The following ADGRB2 variants were observed in gnomAD, a reference collection of about 807,000 sequenced individuals.
ADGRB2 encodes the protein brain-specific angiogenesis inhibitor 2.
A neutral mutation model predicts 178.7 loss-of-function variants in ADGRB2; 47 were observed. That is an observed-to-expected ratio of 0.26 (90% CI 0.21 to 0.34). The LOEUF is 0.34. ADGRB2 is among the 10% of genes least tolerant of loss of function. ADGRB2 has a pLI of 1.00. For missense variants in ADGRB2, 1,584 were observed against 2,180.8 expected (o/e 0.73, Z 5.45); for synonymous variants, 870 against 912.4 (o/e 0.95, Z 0.84).
In ADGRB2 at chr1:31,741,274, C is replaced by T. The variant is rs1397568413; in HGVS notation, c.1794+99G>A. 6 of 1,288,886 alleles carry T rather than the reference C, an allele frequency of 4.7e-6. No homozygotes were observed. Among genetic ancestry groups the T allele is most frequent in the Non-Finnish European group, 6.5e-6 (6 of 924,442 alleles). The allele number at this position is 1,288,886 out of a possible 1,614,324, so 79.8% of individuals were successfully genotyped here. A position where few individuals can be genotyped will look rare whatever the true frequency, so the allele number is the denominator to read the frequency against. On this transcript the variant is annotated intron_variant, in intron 11 of 32. Coordinates refer to ENST00000373658, the MANE Select transcript of ADGRB2 (RefSeq NM_001364857.2). The surrounding 1 kb of genome is among the most constrained non-coding windows in gnomAD (Gnocchi z 6.5). Reference sequence around the variant, plus strand: ...CAGGCAGAAGTGGGCACAGCATATGCCAAGGCACGTGGGAACGAGCGAGAA... The same window carrying T: ...CAGGCAGAAGTGGGCACAGCATATGTCAAGGCACGTGGGAACGAGCGAGAA...
At chr1:31,742,751 G>A (rs1557765709) in intron 7 of ADGRB2, 87 bp downstream of exon 7, 1 of 1,354,568 alleles carries the variant, frequency 7.4e-7, no homozygotes, top group Non-Finnish European at 9.6e-7. Flanking sequence ...CCAGGGGCAG[G>A]TCACTGGACC....
chr1:31,752,143 C>A lies in ADGRB2; in HGVS notation c.838+3856G>T, dbSNP rs1280520277. ...GTCCTAGTTAGTGCTCTCCCTCCCC[C>A]ACCGGTGGGCAGACAGTGTGCCTAG... On this transcript the variant is annotated intron_variant, in intron 4 of 32. Coordinates refer to ENST00000373658, the MANE Select transcript of ADGRB2 (RefSeq NM_001364857.2). Among the ~76,000 whole-genome samples the A allele has an allele frequency of 3.9e-5, 6 of 152,298 alleles. No individual in the cohort carries two copies. In the South Asian group the frequency reaches 6.2e-4, roughly 16 times the overall value.
At chr1:31,734,430 A>T (rs1645461291) in intron 25 of ADGRB2, among the ~76,000 whole-genome samples, 1 of 152,212 alleles carries the variant, frequency 6.6e-6, no homozygotes, top group African/African-American at 2.4e-5. Flanking sequence ...GGGGTGAGGG[A>T]GGCAGACGGC....
chr1:31,746,013 C>T (rs1646253646), intron 4 of ADGRB2, among the ~76,000 whole-genome samples: 1 of 152,222 alleles, frequency 6.6e-6, no homozygotes. Context: ...TTCTCCATCT[C>T]TGAAACCTGG....
intron 4 of ADGRB2, among the ~76,000 whole-genome samples, chr1:31,750,048 C>T (rs976908923): frequency 1.3e-5 from 2 of 152,214 alleles, no homozygotes; most frequent in African/African-American, 4.8e-5. Flanking sequence ...GCTTTCCTCC[C>T]TCCACACATC....
intron 26 of ADGRB2, 150 bp downstream of exon 26, chr1:31,732,822 C>T (rs34582656): frequency 0.033 from 39,414 of 1,203,632 alleles, 747 homozygotes; most frequent in East Asian, 0.046. Flanking sequence ...GCGGGTACCC[C>T]GGGCTATCAG....
chr1:31,749,446 T>C (rs1460352666), intron 4 of ADGRB2, among the ~76,000 whole-genome samples: 4 of 152,244 alleles, frequency 2.6e-5, no homozygotes, highest in Non-Finnish European at 5.9e-5. Flanking sequence ...CATGTGGGTT[T>C]GATTCCCAGC....
chr1:31,747,570 T>C (rs1646341588), intron 4 of ADGRB2, among the ~76,000 whole-genome samples: 1 of 151,976 alleles, frequency 6.6e-6, no homozygotes. Flanking sequence ...CCAGGCAGAG[T>C]TGGCCACCCC....
In ADGRB2 at chr1:31,733,510, C is replaced by T. The variant is rs529837400; in HGVS notation, c.3453-367G>A. On this transcript the variant is annotated intron_variant, in intron 25 of 32. Transcript: ENST00000373658. The surrounding 1 kb of genome is among the most constrained non-coding windows in gnomAD (Gnocchi z 4.3). The stretch of plus-strand genomic sequence containing the variant: ...AATGCACGGGGCCGGGACGGCATCC[C>T]CAGAGCCTAACTGGGTAGGCTGGGG... Among the ~76,000 whole-genome samples, 1 of 152,244 alleles carries T rather than the reference C, an allele frequency of 6.6e-6. No individual in the cohort carries two copies. The highest frequency in any genetic ancestry group is 1.5e-5 in the Non-Finnish European group (1 of 68,020).
chr1:31,744,882 C>T lies in ADGRB2; in HGVS notation c.839-151G>A, dbSNP rs1233192415. 2 of 746,374 alleles carry T rather than the reference C, an allele frequency of 2.7e-6. No homozygotes were observed. The highest frequency in any genetic ancestry group is 4.7e-6 in the Non-Finnish European group (2 of 429,938). 46.2% of individuals were successfully genotyped at this position (746,374 alleles called of 1,614,324 possible). ...CAGGATCACATTCTGCCCTCTGCCC[C>T]ACCACCACTATTTCACAGACAAGGA... On this transcript the variant is annotated intron_variant, in intron 4 of 32. Transcript: ENST00000373658. The surrounding 1 kb of genome is among the most constrained non-coding windows in gnomAD (Gnocchi z 6.7).
At chr1:31,739,797 C>T (rs1016956422) in intron 14 of ADGRB2, 129 bp downstream of exon 14, 3 of 1,186,714 alleles carry the variant, frequency 2.5e-6, no homozygotes, top group African/African-American at 3.1e-5. Context: ...GAGAAACAGA[C>T]CACACATAGA....
At position 31,742,902 on chromosome 1, in the gene ADGRB2, G is replaced by A. The variant is rs974697948; in HGVS notation, c.1188C>T (p.His396=). The change falls in exon 7 of 33, where the codon CAC becomes CAT. Residue 396 remains histidine, a synonymous_variant. Transcript: ENST00000373658. Reference sequence around the variant, plus strand: ...CAGGACCCTCGCAGGCCTTGCCGCCGTGCTGGGGGGGCACGCAGGTCCGCA... The same window carrying A: ...CAGGACCCTCGCAGGCCTTGCCGCCATGCTGGGGGGGCACGCAGGTCCGCA... The part of the protein sequence containing the change: ...SRMRTCVPPQ[H]GGKACEGPEL... The A allele has an allele frequency of 7.1e-6, 11 of 1,541,796 alleles. No homozygotes were observed. Among genetic ancestry groups the A allele is most frequent in the Admixed American group, 4.0e-5 (2 of 50,576 alleles).
In ADGRB2 at chr1:31,727,510, G is replaced by T; in HGVS notation, c.4668C>A (p.Pro1556=). 6.3e-7 allele frequency: 1 copy of T among 1,597,054 alleles called. No homozygotes were observed. The change falls in exon 33 of 33, where the codon CCC becomes CCA. Residue 1556 remains proline (P), a synonymous_variant. Coordinates refer to ENST00000373658, the MANE Select transcript of ADGRB2 (RefSeq NM_001364857.2). The surrounding 1 kb of genome is among the most constrained non-coding windows in gnomAD (Gnocchi z 4.4). ...GAGTCAGCCGTTCTCGGGGCTTGGG[G>T]GGCAGCGAGCCCAGTGTCATAGATT... ...TFKSMTLGSL[P]PKPRERLTLH...
chr1:31,727,218 G>T lies in ADGRB2; in HGVS notation c.*202C>A. The T allele has an allele frequency of 1.8e-6, 1 of 550,136 alleles. No homozygotes were observed. Among genetic ancestry groups the T allele is most frequent in the Non-Finnish European group, 3.0e-6 (1 of 333,130 alleles). 34.1% of individuals were successfully genotyped at this position (550,136 alleles called of 1,614,324 possible). On this transcript the variant is annotated 3_prime_UTR_variant, in exon 33 of 33. Coordinates refer to ENST00000373658, the MANE Select transcript of ADGRB2 (RefSeq NM_001364857.2). This position sits in a 1 kb window ranked among gnomAD's most constrained non-coding sequence, Gnocchi z 4.4. ...CTGAAGATGGGGTTCCAGTGGCTGA[G>T]GGGCCTCTGAGAAACAAGGAAGGGC...
At chr1:31,751,090 T>C (rs1646545079) in intron 4 of ADGRB2, among the ~76,000 whole-genome samples, 1 of 152,170 alleles carries the variant, frequency 6.6e-6, no homozygotes, top group African/African-American at 2.4e-5. Flanking sequence ...TGTCCTGGGA[T>C]GGCAGTCAAA....
Position 31,727,703 on chromosome 1 carries a change from C to A in ADGRB2, c.4573-98G>T. 7.8e-7 allele frequency: 1 copy of A among 1,277,828 alleles called. No homozygotes were observed. The highest frequency in any genetic ancestry group is 1.7e-5 in the South Asian group (1 of 58,998). The allele number at this position is 1,277,828 out of a possible 1,614,324, so 79.2% of individuals were successfully genotyped here. On this transcript the variant is annotated intron_variant, in intron 32 of 32. Transcript: ENST00000373658. The surrounding 1 kb of genome is among the most constrained non-coding windows in gnomAD (Gnocchi z 4.4). ...GAGTCCCAGAGAGGGCTGGTAATGC[C>A]CAAAGTTATGGAGCAATCAGGTGTC...
chr1:31,732,855 G>C lies in ADGRB2; in HGVS notation c.3624+117C>G. The C allele has an allele frequency of 2.9e-6, 4 of 1,370,616 alleles. No individual in the cohort carries two copies. In the South Asian group the frequency reaches 5.7e-5, roughly 20 times the overall value. The allele number at this position is 1,370,616 out of a possible 1,614,324, so 84.9% of individuals were successfully genotyped here. ...CAGCTTCCACAGTAAGGGCTGCCCA[G>C]ATGGGGCCTGGGGCACCCTGGTCGG... On this transcript the variant is annotated intron_variant, in intron 26 of 32. Coordinates refer to ENST00000373658, the MANE Select transcript of ADGRB2 (RefSeq NM_001364857.2).
Position 31,735,666 on chromosome 1 carries a change from C to T in ADGRB2, c.3268-1G>A. 2 of 1,595,218 alleles carry T rather than the reference C, an allele frequency of 1.3e-6. No individual in the cohort carries two copies. The highest frequency in any genetic ancestry group is 1.7e-6 in the Non-Finnish European group (2 of 1,167,506). On this transcript the variant is annotated splice_acceptor_variant, in intron 23 of 32. Coordinates refer to ENST00000373658, the MANE Select transcript of ADGRB2 (RefSeq NM_001364857.2). LOFTEE classifies it high-confidence loss of function. The surrounding 1 kb of genome is among the most constrained non-coding windows in gnomAD (Gnocchi z 6.0). ...CGATGATTCCGATGAGCATGTTCAC[C>T]TGGGGGCCCAGTAGAGTGGAGTGGG...
chr1:31,743,031 G>T (rs775570931), intron 6 of ADGRB2, 29 bp from the exon 7 acceptor site: 17 of 1,380,830 alleles, frequency 1.2e-5, no homozygotes, highest in Middle Eastern at 2.7e-4. Flanking sequence ...CCGGTGGCTG[G>T]GCGGCACCAT....
Sources: gnomAD v4.1 joint callset for allele counts (sites outside exome capture counted in the v4.1 genomes callset) on GRCh38, gnomAD v4.1.1 for gene constraint, Gnocchi (gnomAD v3.1) non-coding constraint, MANE v1.5 for transcripts, NCBI Gene and HGNC (gene_info 2026-07-23, HGNC 2026-07-21) for gene names.